Variants in SLIT1 observed in about 807,000 individuals in gnomAD.
SLIT1 encodes the protein slit homolog 1 protein.
SLIT1 carries 66 observed loss-of-function variants against 186.1 expected under a neutral mutation model. The observed-to-expected ratio is 0.35, with a 90% CI of 0.29 to 0.44. The LOEUF is 0.44. Ranked by LOEUF, SLIT1 falls within the 20% of genes least tolerant of loss-of-function variation. SLIT1 has a pLI of 1.00. For missense variants in SLIT1, 1,638 were observed against 2,037.4 expected, an observed-to-expected ratio of 0.80 and a Z score of 3.77; for synonymous variants, 761 against 833.8, an observed-to-expected ratio of 0.91 and a Z score of 1.50.
At position 97,002,789 on chromosome 10, in the gene SLIT1, T is replaced by A; in HGVS notation, c.4069A>T (p.Thr1357Ser). 1 of 1,613,760 alleles carries A rather than the reference T, an allele frequency of 6.2e-7. No individual in the cohort carries two copies. Among genetic ancestry groups the A allele is most frequent in the Non-Finnish European group, 8.5e-7 (1 of 1,179,912 alleles). Reference protein sequence around the residue: ...CLHGICQPNATPGPMCHCEAG... With the variant: ...CLHGICQPNASPGPMCHCEAG... Reference sequence around the variant, plus strand: ...TCGCAGTGGCACATGGGCCCTGGGGTGGCATTGGGCTGGCAGATGCCATGC... The same window carrying A: ...TCGCAGTGGCACATGGGCCCTGGGGAGGCATTGGGCTGGCAGATGCCATGC... Residue 1357 changes from threonine to serine, a missense_variant, in exon 35 of 37, where the codon ACC becomes TCC. Thr to Ser is a moderately conservative substitution (Grantham distance 58, BLOSUM62 1). This residue lies in a region of SLIT1 where 173 missense variants were observed against 290.9 expected (regional missense o/e 0.59). Transcript: ENST00000266058.
chr10:97,093,698 T>A (rs925452023), intron 4 of SLIT1, among the ~76,000 whole-genome samples: 1 of 152,232 alleles, frequency 6.6e-6, no homozygotes, highest in African/African-American at 2.4e-5. Flanking sequence ...GTTTAAGTCA[T>A]CTTTTTGAAA....
Position 97,006,540 on chromosome 10 carries a change from G to T in SLIT1, c.3522C>A (p.Asp1174Glu). The change falls in exon 32 of 37, where the codon GAC becomes GAA. Residue 1174 changes from aspartate (D) to glutamate (E), a missense_variant. Transcript: ENST00000266058. The surrounding 1 kb of genome is among the most constrained non-coding windows in gnomAD (Gnocchi z 4.0). The stretch of plus-strand genomic sequence containing the variant: ...GCAGGTCAGTGAACTGCAGGTAAGT[G>T]TCCCGATCCACAAAGTTGACACTGA... ...KLLSVNFVDR[D>E]TYLQFTDLQN... 2 of 1,614,222 alleles carry T rather than the reference G, an allele frequency of 1.2e-6. No individual in the cohort carries two copies. Among genetic ancestry groups the T allele is most frequent in the Non-Finnish European group, 1.7e-6 (2 of 1,180,032 alleles).
intron 4 of SLIT1, among the ~76,000 whole-genome samples, chr10:97,081,073 C>T (rs1432064714): frequency 6.6e-6 from 1 of 152,214 alleles, no homozygotes; most frequent in Non-Finnish European, 1.5e-5. Context: ...CATCACTTTT[C>T]TCAGGAAAGC....
intron 24 of SLIT1, among the ~76,000 whole-genome samples, chr10:97,031,368 C>G (rs72819886): frequency 0.065 from 9,880 of 152,266 alleles, 406 homozygotes; most frequent in South Asian, 0.18. Context: ...ATGTCCCGCC[C>G]CTACCACCAC....
intron 4 of SLIT1, among the ~76,000 whole-genome samples, chr10:97,148,463 T>A (rs1171555058): frequency 2.0e-5 from 1 of 50,116 alleles, no homozygotes; most frequent in Admixed American, 2.5e-4. Flanking sequence ...TATTTTTTCT[T>A]ATTTTTTGTA....
chr10:97,049,729 T>G (rs994114357), intron 13 of SLIT1, among the ~76,000 whole-genome samples: 2 of 152,172 alleles, frequency 1.3e-5, no homozygotes, highest in African/African-American at 2.4e-5. Context: ...AGGAGTGACC[T>G]CTCCTTGACC....
At chr10:97,063,271 G>C (rs1848909859) in intron 8 of SLIT1, among the ~76,000 whole-genome samples, 184 bp downstream of exon 8, 1 of 151,992 alleles carries the variant, frequency 6.6e-6, no homozygotes, top group South Asian at 2.1e-4. Flanking sequence ...GATGGGGCAG[G>C]AGGGGCAGAT....
At chr10:97,056,967 G>T (rs192933548) in intron 12 of SLIT1, among the ~76,000 whole-genome samples, 2 of 152,224 alleles carry the variant, frequency 1.3e-5, no homozygotes, top group Non-Finnish European at 2.9e-5. Context: ...AGCACGGGCC[G>T]AGTCTCAGGA....
At chr10:97,065,362 T>C (rs1223423025) in intron 5 of SLIT1, among the ~76,000 whole-genome samples, 3 of 152,188 alleles carry the variant, frequency 2.0e-5, no homozygotes, top group Non-Finnish European at 1.5e-5. Flanking sequence ...TGGTGACTGA[T>C]TATCAATGTG....
intron 32 of SLIT1, among the ~76,000 whole-genome samples, chr10:97,005,423 G>T: frequency 6.6e-6 from 1 of 152,182 alleles, no homozygotes; most frequent in Non-Finnish European, 1.5e-5. Context: ...GTTTCTTCTG[G>T]TAAAGACCCT....
intron 4 of SLIT1, among the ~76,000 whole-genome samples, chr10:97,100,941 G>A (rs916678815): frequency 1.3e-5 from 2 of 152,164 alleles, no homozygotes; most frequent in East Asian, 1.9e-4. Flanking sequence ...GACGCAGGCC[G>A]GTTTGGGCCC....
intron 1 of SLIT1, 82 bp from the exon 2 acceptor site, chr10:97,164,972 C>A: frequency 9.7e-7 from 1 of 1,030,662 alleles, no homozygotes. Context: ...GGTGCCCTCC[C>A]CGCCTGGATC....
chr10:97,034,532 T>C lies in SLIT1; in HGVS notation c.2377A>G (p.Asn793Asp), dbSNP rs759431762. 6.2e-7 allele frequency: 1 copy of C among 1,613,596 alleles called. No individual in the cohort carries two copies. Among genetic ancestry groups the C allele is most frequent in the East Asian group, 2.2e-5 (1 of 44,842 alleles). ...TTGCTTAAGGAACTGATCTTGTTGT[T>C]GCTCAGGTCCCTGGAAAAGGCAAAG... is the stretch of plus-strand genomic sequence containing the variant. Reference protein sequence around the residue: ...FKYLQLVDLSNNKISSLSNSS... With the variant: ...FKYLQLVDLSDNKISSLSNSS... The change falls in exon 23 of 37, where the codon AAC becomes GAC. Residue 793 changes from asparagine (N) to aspartate (D), a missense_variant. This residue lies in a region of SLIT1 where 1,245 missense variants were observed against 1,535.3 expected (regional missense o/e 0.81). Coordinates refer to ENST00000266058, the MANE Select transcript of SLIT1 (RefSeq NM_003061.3).
chr10:97,161,802 A>C (rs971974841), intron 3 of SLIT1, among the ~76,000 whole-genome samples: 1 of 152,210 alleles, frequency 6.6e-6, no homozygotes, highest in African/African-American at 2.4e-5. Context: ...TGAGGTATCA[A>C]GTCATCTTCA....
At chr10:97,103,308 C>T (rs1255918687) in intron 4 of SLIT1, 4 of 152,232 alleles carry the variant, frequency 2.6e-5, no homozygotes, top group Non-Finnish European at 5.9e-5. Flanking sequence ...CTTGCTTCCC[C>T]TCTCTTTGCA....
At chr10:97,039,645 G>A (rs1341000986) in intron 21 of SLIT1, among the ~76,000 whole-genome samples, 1 of 152,330 alleles carries the variant, frequency 6.6e-6, no homozygotes, top group East Asian at 1.9e-4. Flanking sequence ...CTACACTGCT[G>A]GTGCAAAAAT....
At chr10:97,141,701 C>CGTATG (rs1849763198) in intron 4 of SLIT1, among the ~76,000 whole-genome samples, 1 of 96,354 alleles carries the variant, frequency 1.0e-5, no homozygotes, top group South Asian at 3.0e-4. Context: ...CGTATCGTAT[C>CGTATG]GTATTGTATT....
At chr10:97,142,891 C>T (rs535292785) in intron 4 of SLIT1, among the ~76,000 whole-genome samples, 84 of 152,114 alleles carry the variant, frequency 5.5e-4, no homozygotes, top group Middle Eastern at 6.8e-3. Context: ...AACTAAGATG[C>T]GCAAACTAGT....
Position 97,010,262 on chromosome 10 carries a change from C to T in SLIT1, c.3341+731G>A, listed in dbSNP as rs1193513677. Among the ~76,000 whole-genome samples the T allele has an allele frequency of 1.3e-5, 2 of 152,218 alleles. No homozygotes were observed. Among genetic ancestry groups the T allele is most frequent in the South Asian group, 4.1e-4 (2 of 4,836 alleles). On this transcript the variant is annotated intron_variant, in intron 31 of 36. Transcript: ENST00000266058. This position sits in a 1 kb window ranked among gnomAD's most constrained non-coding sequence, Gnocchi z 4.8. ...TGAAGTGCCGACACATGTTACCACACGGATGAACCTCAAAACATGATGCTG... is the reference window on the plus strand; with the variant it reads ...TGAAGTGCCGACACATGTTACCACATGGATGAACCTCAAAACATGATGCTG...
Sources: gnomAD v4.1 joint callset for allele counts (sites outside exome capture counted in the v4.1 genomes callset) on GRCh38, gnomAD v4.1.1 for gene constraint, gnomAD v4.1.1 regional missense constraint, Gnocchi (gnomAD v3.1) non-coding constraint, MANE v1.5 for transcripts, NCBI Gene and HGNC (gene_info 2026-07-23, HGNC 2026-07-21) for gene names.